The following GNAQ variants were observed in gnomAD, a reference collection of about 807,000 sequenced individuals.
GNAQ encodes the protein guanine nucleotide-binding protein G(q) subunit alpha.
In GNAQ, 8 loss-of-function variants were observed where a neutral mutation model predicts 43.9. The ratio of observed to expected loss-of-function variants is 0.18; its 90% CI spans 0.11 to 0.33. The LOEUF is 0.33. GNAQ is among the 10% of genes least tolerant of loss of function. The probability of loss-of-function intolerance (pLI) is 1.00; values close to 1 mark genes in which losing one functional copy is unlikely to be tolerated. For missense variants in GNAQ, 158 were observed against 450.8 expected (o/e 0.35, Z 5.88); for synonymous variants, 155 against 170.7 (o/e 0.91, Z 0.71).
chr9:77,925,379 T>C (rs1587413392), intron 1 of GNAQ, among the ~76,000 whole-genome samples: 2 of 152,280 alleles, frequency 1.3e-5, no homozygotes, highest in African/African-American at 4.8e-5. Flanking sequence ...AAGCCAATCA[T>C]GATAAAGAAA....
chr9:77,930,874 G>A (rs777717571), intron 1 of GNAQ, among the ~76,000 whole-genome samples: 21 of 152,058 alleles, frequency 1.4e-4, no homozygotes, highest in Admixed American at 2.6e-4. Flanking sequence ...GTTAGGAACC[G>A]GGCCGCACAG....
intron 1 of GNAQ, among the ~76,000 whole-genome samples, chr9:77,998,194 C>A (rs959978563): frequency 6.6e-6 from 1 of 152,224 alleles, no homozygotes; most frequent in Non-Finnish European, 1.5e-5. Context: ...CAGGCATTCC[C>A]ACTAACTGAT....
At chr9:77,850,742 TTC>T (rs1675869525) in intron 2 of GNAQ, among the ~76,000 whole-genome samples, 1 of 152,150 alleles carries the variant, frequency 6.6e-6, no homozygotes, top group Admixed American at 6.5e-5. Flanking sequence ...CTCTTTGAGG[TTC>T]TCTTTGCCTT....
At chr9:77,780,952 ATTT>A (rs35437600) in intron 5 of GNAQ, among the ~76,000 whole-genome samples, 29 of 130,424 alleles carry the variant, frequency 2.2e-4, no homozygotes, top group Admixed American at 5.3e-4. Flanking sequence ...TATTAATTGG[ATTT>A]TTTTTTTTTT....
At chr9:77,756,295 C>T (rs1477289182) in intron 5 of GNAQ, among the ~76,000 whole-genome samples, 3 of 152,238 alleles carry the variant, frequency 2.0e-5, no homozygotes, top group East Asian at 1.9e-4. Flanking sequence ...CAACATATTA[C>T]AAGCTGGGTG....
At chr9:77,822,738 C>G (rs899113875) in intron 2 of GNAQ, among the ~76,000 whole-genome samples, 2 of 151,498 alleles carry the variant, frequency 1.3e-5, no homozygotes, top group African/African-American at 4.9e-5. Context: ...TTCAGACATT[C>G]AAGAAATTGT....
chr9:77,836,231 C>T (rs1422887595), intron 2 of GNAQ, among the ~76,000 whole-genome samples: 2 of 96,672 alleles, frequency 2.1e-5, no homozygotes, highest in African/African-American at 5.5e-5. Context: ...TGATTAAAAG[C>T]CCCCCCCGGA....
chr9:77,809,084 C>A (rs1826874435), intron 3 of GNAQ, among the ~76,000 whole-genome samples: 1 of 152,104 alleles, frequency 6.6e-6, no homozygotes, highest in Non-Finnish European at 1.5e-5. Context: ...CAACATGGCA[C>A]ATAATATATT....
chr9:77,865,496 A>G (rs992864395), intron 2 of GNAQ, among the ~76,000 whole-genome samples: 1 of 152,228 alleles, frequency 6.6e-6, no homozygotes, highest in Non-Finnish European at 1.5e-5. Context: ...TAAACATTGT[A>G]AATACCAAGG....
At chr9:77,988,291 A>G (rs562403239) in intron 1 of GNAQ, among the ~76,000 whole-genome samples, 1 of 152,350 alleles carries the variant, frequency 6.6e-6, no homozygotes, top group Admixed American at 6.5e-5. Flanking sequence ...CTTTAGCAGG[A>G]TAACTGACTG....
At chr9:77,880,809 G>A (rs1309156425) in intron 2 of GNAQ, among the ~76,000 whole-genome samples, 3 of 152,022 alleles carry the variant, frequency 2.0e-5, no homozygotes, top group Non-Finnish European at 4.4e-5. Context: ...TCACTGCATG[G>A]AGTATTTTTC....
intron 1 of GNAQ, among the ~76,000 whole-genome samples, chr9:77,969,676 T>G (rs1029547870): frequency 6.6e-6 from 1 of 152,244 alleles, no homozygotes; most frequent in African/African-American, 2.4e-5. Context: ...CAACCCAGCT[T>G]ACTTTCTAGC....
At chr9:77,864,388 T>C (rs1206797472) in intron 2 of GNAQ, among the ~76,000 whole-genome samples, 1 of 152,110 alleles carries the variant, frequency 6.6e-6, no homozygotes, top group Non-Finnish European at 1.5e-5. Flanking sequence ...TTGCTTTACA[T>C]AGCAAAGGGA....
rs1464971914 is a variant in GNAQ at position 77,716,528 on chromosome 9, C to G, written c.*4795G>C. Reference sequence around the variant, plus strand: ...GGGTGAGGAATCCAGCAAGGAGTTGCATTTAGAGAGTTCTTTGAGGAAAAG... The same window carrying G: ...GGGTGAGGAATCCAGCAAGGAGTTGGATTTAGAGAGTTCTTTGAGGAAAAG... On this transcript the variant is annotated 3_prime_UTR_variant, in exon 7 of 7. Transcript: ENST00000286548. 4.3e-6 allele frequency: 1 copy of G among 232,778 alleles called. No individual in the cohort carries two copies. The highest frequency in any genetic ancestry group is 8.5e-6 in the Non-Finnish European group (1 of 117,830). The allele number at this position is 232,778 out of a possible 1,614,324, so 14.4% of individuals were successfully genotyped here. A position where few individuals can be genotyped will look rare whatever the true frequency, so the allele number is the denominator to read the frequency against.
chr9:77,936,917 T>A (rs543772198), intron 1 of GNAQ, among the ~76,000 whole-genome samples: 177 of 152,302 alleles, frequency 1.2e-3, no homozygotes, highest in Non-Finnish European at 2.0e-3. Context: ...TTCCACAAAC[T>A]AGAGTTGAGA....
At chr9:77,937,312 T>C (rs6560620) in intron 1 of GNAQ, among the ~76,000 whole-genome samples, 151,399 of 152,228 alleles carry the variant, frequency 0.99, 75,287 homozygotes, top group East Asian at 1. Flanking sequence ...GTGGTGCATG[T>C]CTGTAATCCC....
intron 1 of GNAQ, among the ~76,000 whole-genome samples, chr9:78,002,821 C>G (rs1404636607): frequency 6.6e-6 from 1 of 152,136 alleles, no homozygotes; most frequent in African/African-American, 2.4e-5. Context: ...GGTTTTCTAT[C>G]ATCATATCAA....
chr9:78,023,978 T>C lies in GNAQ; in HGVS notation c.136+7122A>G, dbSNP rs138635039. On this transcript the variant is annotated intron_variant, in intron 1 of 6. Coordinates refer to ENST00000286548, the MANE Select transcript of GNAQ (RefSeq NM_002072.5). ...CACACACACACTATAATGGCATTAGTAACATTTTCGTTCCCAACTGCACCA... is the reference window on the plus strand; with the variant it reads ...CACACACACACTATAATGGCATTAGCAACATTTTCGTTCCCAACTGCACCA... Among the ~76,000 whole-genome samples, 66 of 152,316 alleles carry C rather than the reference T, an allele frequency of 4.3e-4. No individual in the cohort carries two copies. The East Asian group carries it at 0.012, about 29-fold the overall frequency.
chr9:77,990,735 T>C (rs939648381), intron 1 of GNAQ, among the ~76,000 whole-genome samples: 16 of 152,182 alleles, frequency 1.1e-4, no homozygotes, highest in African/African-American at 3.1e-4. Flanking sequence ...AATCGAAAAT[T>C]TGGCCTAACC....
Sources: allele counts gnomAD v4.1 joint callset (sites outside exome capture counted in the v4.1 genomes callset), GRCh38; gene constraint gnomAD v4.1.1; transcripts MANE v1.5; gene names NCBI Gene and HGNC (gene_info 2026-07-23, HGNC 2026-07-21).